NBEAL1: variants seen among roughly 807,000 people sequenced by gnomAD.
The protein encoded by NBEAL1 is neurobeachin-like protein 1.
In NBEAL1, 273 loss-of-function variants were observed where a neutral mutation model predicts 351.3. That is an observed-to-expected ratio of 0.78 (90% CI 0.70 to 0.86). The LOEUF (loss-of-function observed/expected upper bound fraction) is 0.86. Among genes scored for constraint, NBEAL1 ranks in the 40% least tolerant of loss-of-function variants. The probability of loss-of-function intolerance (pLI) is 0.00; values close to 1 mark genes in which losing one functional copy is unlikely to be tolerated. For synonymous variants in NBEAL1, 1,050 were observed against 1,086.4 expected (o/e 0.97, Z 0.66); for missense variants, 2,961 against 3,201.3 (o/e 0.92, Z 1.81).
chr2:203,207,775 C>T lies in NBEAL1; in HGVS notation c.7507-862C>T, dbSNP rs143338328. 7.5e-3 allele frequency among the ~76,000 whole-genome samples: 1,144 copies of T among 152,238 alleles called. 9 individuals carry two copies. Among genetic ancestry groups the T allele is most frequent in the African/African-American group, 0.026 (1,081 of 41,530 alleles). ...CAAGTACCCAGGGACACAAACACTGCGGAAGGCCGCAGGGTCCTCTGCAAA... is the reference window on the plus strand; with the variant it reads ...CAAGTACCCAGGGACACAAACACTGTGGAAGGCCGCAGGGTCCTCTGCAAA... On this transcript the variant is annotated intron_variant, in intron 51 of 55. Coordinates refer to ENST00000683969, the MANE Select transcript of NBEAL1 (RefSeq NM_001378026.1).
At chr2:203,200,500 A>C (rs1236732299) in intron 49 of NBEAL1, among the ~76,000 whole-genome samples, 1 of 152,034 alleles carries the variant, frequency 6.6e-6, no homozygotes, top group Non-Finnish European at 1.5e-5. Context: ...GCAACAGAGC[A>C]AGACTCCAAC....
In NBEAL1 at chr2:203,065,008, A is replaced by T. The variant is rs576312690; in HGVS notation, c.516-3385A>T. On this transcript the variant is annotated intron_variant, in intron 6 of 55. Coordinates refer to ENST00000683969, the MANE Select transcript of NBEAL1 (RefSeq NM_001378026.1). ...CACAGTGGCTCATGCCTGTAATCCT[A>T]ACACTTTGGGAGGCTGAGGTAGGAG... Among the ~76,000 whole-genome samples the T allele has an allele frequency of 2.0e-5, 3 of 152,326 alleles. No individual in the cohort carries two copies. The East Asian group carries it at 5.8e-4, about 29-fold the overall frequency.
At chr2:203,087,255 G>T (rs2106176342) in intron 10 of NBEAL1, among the ~76,000 whole-genome samples, 1 of 151,846 alleles carries the variant, frequency 6.6e-6, no homozygotes, top group African/African-American at 2.4e-5. Flanking sequence ...ACCGTGCCCG[G>T]CTAATTTTCA....
At position 203,202,656 on chromosome 2, in the gene NBEAL1, A is replaced by G. The variant is rs781680383; in HGVS notation, c.7412-31A>G. 4.9e-6 allele frequency: 6 copies of G among 1,232,210 alleles called. No homozygotes were observed. The African/African-American group carries it at 8.9e-5, about 18-fold the overall frequency. The allele number at this position is 1,232,210 out of a possible 1,614,324, so 76.3% of individuals were successfully genotyped here. ...AAGTTCTATTTTAGCAAAACGAGGCATCTCATTTTATTTAATTCCTTTTCT... is the reference window on the plus strand; with the variant it reads ...AAGTTCTATTTTAGCAAAACGAGGCGTCTCATTTTATTTAATTCCTTTTCT... On this transcript the variant is annotated intron_variant, in intron 50 of 55. Coordinates refer to ENST00000683969, the MANE Select transcript of NBEAL1 (RefSeq NM_001378026.1).
chr2:203,021,853 G>C (rs1159951355), intron 2 of NBEAL1, among the ~76,000 whole-genome samples: 1 of 151,840 alleles, frequency 6.6e-6, no homozygotes, highest in African/African-American at 2.4e-5. Context: ...TTTGAGACCA[G>C]CGTGGCCAAA....
At position 203,094,375 on chromosome 2, in the gene NBEAL1, G is replaced by A. The variant is rs546979482; in HGVS notation, c.1099-3172G>A. 2.5e-4 allele frequency among the ~76,000 whole-genome samples: 38 copies of A among 152,204 alleles called. 1 individual carries two copies. The highest frequency in any genetic ancestry group is 2.3e-3 in the South Asian group (11 of 4,818). On this transcript the variant is annotated intron_variant, in intron 10 of 55. Transcript: ENST00000683969. ...ACCGCATGATGCCACAGATGTCCAC[G>A]ATTACTTTTTGTTTAAATTATTTGT...
At chr2:203,178,951 A>G (rs187895190) in intron 42 of NBEAL1, among the ~76,000 whole-genome samples, 81 of 152,210 alleles carry the variant, frequency 5.3e-4, no homozygotes, top group Non-Finnish European at 8.8e-4. Flanking sequence ...TCTCAAAACT[A>G]TGCCTCTTCT....
chr2:203,121,036 A>T (rs912897519), intron 18 of NBEAL1, among the ~76,000 whole-genome samples: 3 of 152,194 alleles, frequency 2.0e-5, no homozygotes, highest in Non-Finnish European at 4.4e-5. Context: ...GAAAATTCGG[A>T]TTGAATATGA....
chr2:203,206,748 T>A (rs1181789747), intron 51 of NBEAL1, among the ~76,000 whole-genome samples: 1 of 151,924 alleles, frequency 6.6e-6, no homozygotes, highest in African/African-American at 2.4e-5. Context: ...TGGAGTGCAG[T>A]GGCATGATCT....
chr2:203,118,673 C>T (rs2062755228), intron 18 of NBEAL1, among the ~76,000 whole-genome samples: 1 of 151,472 alleles, frequency 6.6e-6, no homozygotes, highest in South Asian at 2.1e-4. Flanking sequence ...CTCACTGCAG[C>T]CTCTGCCTCC....
chr2:203,206,743 T>G (rs143878121), intron 51 of NBEAL1, among the ~76,000 whole-genome samples: 3,937 of 151,854 alleles, frequency 0.026, 170 homozygotes, highest in African/African-American at 0.088. Flanking sequence ...CAGGCTGGAG[T>G]GCAGTGGCAT....
chr2:203,059,339 T>C (rs2061458558), intron 6 of NBEAL1, among the ~76,000 whole-genome samples: 1 of 152,198 alleles, frequency 6.6e-6, no homozygotes, highest in Admixed American at 6.5e-5. Flanking sequence ...AACAAGGGGC[T>C]TAGAATAACA....
In NBEAL1 at chr2:203,175,411, A is replaced by C. The variant is rs571299094; in HGVS notation, c.6464+124A>C. The C allele has an allele frequency of 2.6e-5, 25 of 947,794 alleles. No homozygotes were observed. In the African/African-American group the frequency reaches 3.4e-4, roughly 13 times the overall value. 58.7% of individuals were successfully genotyped at this position (947,794 alleles called of 1,614,324 possible). On this transcript the variant is annotated intron_variant, in intron 42 of 55. Coordinates refer to ENST00000683969, the MANE Select transcript of NBEAL1 (RefSeq NM_001378026.1). The stretch of plus-strand genomic sequence containing the variant: ...TCCTGTATTAAATTTTGATCAGCTA[A>C]AAATAAACTAGTTTGAGAATGAGTC...
intron 4 of NBEAL1, among the ~76,000 whole-genome samples, chr2:203,055,480 C>T (rs1232043655): frequency 6.6e-6 from 1 of 151,960 alleles, no homozygotes; most frequent in Non-Finnish European, 1.5e-5. Flanking sequence ...TGGCACATAC[C>T]TGTAGTCCCA....
intron 36 of NBEAL1, among the ~76,000 whole-genome samples, chr2:203,163,767 A>G (rs899435079): frequency 1.3e-5 from 2 of 152,212 alleles, no homozygotes; most frequent in African/African-American, 4.8e-5. Flanking sequence ...TTGTTTAAAT[A>G]TACCACAATT....
intron 6 of NBEAL1, chr2:203,061,171 C>T (rs1360975824): frequency 6.6e-6 from 1 of 152,176 alleles, no homozygotes; most frequent in Non-Finnish European, 1.5e-5. Flanking sequence ...GGGTTTTTCT[C>T]TATTGTGAAC....
At chr2:203,068,824 G>A (rs1184795561) in intron 7 of NBEAL1, among the ~76,000 whole-genome samples, 1 of 152,092 alleles carries the variant, frequency 6.6e-6, no homozygotes, top group Non-Finnish European at 1.5e-5. Context: ...CTACCTCCTG[G>A]GTTCAAGCAA....
At chr2:203,122,398 T>C in intron 19 of NBEAL1, 55 bp downstream of exon 19, 3 of 1,135,754 alleles carry the variant, frequency 2.6e-6, no homozygotes, top group South Asian at 1.4e-5. Flanking sequence ...GATACTCTTA[T>C]TAAGGATTTT....
chr2:203,172,617 A>ATATTTT, intron 40 of NBEAL1, 112 bp from the exon 41 acceptor site: 1 of 919,186 alleles, frequency 1.1e-6, no homozygotes, highest in African/African-American at 1.7e-5. Context: ...CAGGGAAAAA[A>ATATTTT]TATTTTTAGA....
Sources: allele counts gnomAD v4.1 joint callset (sites outside exome capture counted in the v4.1 genomes callset), GRCh38; gene constraint gnomAD v4.1.1; transcripts MANE v1.5; gene names NCBI Gene and HGNC (gene_info 2026-07-23, HGNC 2026-07-21).